SHANK2: variants seen among roughly 807,000 people sequenced by gnomAD.
SHANK2 encodes SH3 and multiple ankyrin repeat domains 2.
A neutral mutation model predicts 133.7 loss-of-function variants in SHANK2; 43 were observed. The ratio of observed to expected loss-of-function variants is 0.32; its 90% CI spans 0.25 to 0.41. The LOEUF (loss-of-function observed/expected upper bound fraction) is 0.41. Ranked by LOEUF, SHANK2 falls within the 10% of genes least tolerant of loss-of-function variation. The probability of loss-of-function intolerance (pLI) is 1.00; values close to 1 mark genes in which losing one functional copy is unlikely to be tolerated. For missense variants in SHANK2, 1,994 were observed against 2,235.8 expected (o/e 0.89, Z 2.18); for synonymous variants, 1,017 against 952.8 (o/e 1.07, Z -1.24).
chr11:71,177,645 A>G (rs1438358765), intron 2 of SHANK2, among the ~76,000 whole-genome samples: 2 of 152,264 alleles, frequency 1.3e-5, no homozygotes, highest in Non-Finnish European at 2.9e-5. Flanking sequence ...AAATAGTAAG[A>G]TGACAGATTT....
intron 17 of SHANK2, among the ~76,000 whole-genome samples, chr11:70,602,354 C>T (rs967592399): frequency 5.9e-5 from 9 of 152,214 alleles, no homozygotes; most frequent in African/African-American, 1.7e-4. Flanking sequence ...AGAGAGGTCT[C>T]GGCCTCCACG....
At chr11:70,647,372 A>G (rs2061278253) in intron 17 of SHANK2, 1 of 152,210 alleles carries the variant, frequency 6.6e-6, no homozygotes, top group Non-Finnish European at 1.5e-5. Context: ...CCAGTTGGGC[A>G]AGACCCCGCC....
At position 70,624,076 on chromosome 11, in the gene SHANK2, G is replaced by A. The variant is rs576326248; in HGVS notation, c.2061+35752C>T. Among the ~76,000 whole-genome samples the A allele has an allele frequency of 2.6e-5, 4 of 152,268 alleles. No homozygotes were observed. In the East Asian group the frequency reaches 5.8e-4, roughly 22 times the overall value. The stretch of plus-strand genomic sequence containing the variant: ...GCAGGGAGGGGCAGCCTTGGGTGTG[G>A]ACTTCTGGGAGCAGAGGCCCTGGTT... On this transcript the variant is annotated intron_variant, in intron 17 of 25. Transcript: ENST00000601538.
intron 2 of SHANK2, among the ~76,000 whole-genome samples, chr11:71,162,324 GC>G (rs1555110036): frequency 6.6e-6 from 1 of 152,144 alleles, no homozygotes; most frequent in African/African-American, 2.4e-5. Flanking sequence ...CATGCATGTA[GC>G]TCTGGTCTCT....
intron 9 of SHANK2, among the ~76,000 whole-genome samples, chr11:71,068,895 C>T (rs1290334546): frequency 2.0e-5 from 3 of 152,036 alleles, no homozygotes; most frequent in Admixed American, 2.0e-4. Flanking sequence ...TCACCATCAC[C>T]ACCACCATCA....
intron 3 of SHANK2, among the ~76,000 whole-genome samples, chr11:71,139,308 T>C (rs1209319465): frequency 6.7e-6 from 1 of 148,372 alleles, no homozygotes; most frequent in Non-Finnish European, 1.5e-5. Flanking sequence ...CCGTTCTATT[T>C]TCTTCTCTGC....
At chr11:70,797,221 C>G (rs1251888136) in intron 14 of SHANK2, among the ~76,000 whole-genome samples, 1 of 152,214 alleles carries the variant, frequency 6.6e-6, no homozygotes, top group Non-Finnish European at 1.5e-5. Flanking sequence ...GAGAAAGACC[C>G]CATTCTTGGG....
chr11:70,569,340 A>C lies in SHANK2; in HGVS notation c.2062-66409T>G, dbSNP rs1327874503. Among the ~76,000 whole-genome samples the C allele has an allele frequency of 2.0e-5, 3 of 152,134 alleles. No individual in the cohort carries two copies. In the East Asian group the frequency reaches 5.8e-4, roughly 29 times the overall value. ...TGGGGTGATCCTGCTCATGCGCCTCATGGACGCATCTTGCCCCGGTTTCCA... is the reference window on the plus strand; with the variant it reads ...TGGGGTGATCCTGCTCATGCGCCTCCTGGACGCATCTTGCCCCGGTTTCCA... On this transcript the variant is annotated intron_variant, in intron 17 of 25. Coordinates refer to ENST00000601538, the MANE Select transcript of SHANK2 (RefSeq NM_012309.5). The surrounding 1 kb of genome is among the most constrained non-coding windows in gnomAD (Gnocchi z 5.1).
intron 1 of SHANK2, among the ~76,000 whole-genome samples, chr11:71,239,922 G>A (rs782511022): frequency 1.4e-4 from 22 of 152,292 alleles, no homozygotes; most frequent in African/African-American, 3.6e-4. Flanking sequence ...CTCGCAGGGC[G>A]TCTGCCAGGT....
intron 17 of SHANK2, among the ~76,000 whole-genome samples, chr11:70,645,148 T>C (rs1199941066): frequency 6.6e-6 from 1 of 152,092 alleles, no homozygotes; most frequent in African/African-American, 2.4e-5. Flanking sequence ...GAGGCGGAGA[T>C]TGCAGTGGGC....
At chr11:70,829,523 A>G (rs1590734875) in intron 11 of SHANK2, among the ~76,000 whole-genome samples, 1 of 151,866 alleles carries the variant, frequency 6.6e-6, no homozygotes, top group African/African-American at 2.4e-5. Context: ...CCACCCCTGC[A>G]CCCCATGTCC....
chr11:70,915,681 G>A (rs2135741414), intron 10 of SHANK2, among the ~76,000 whole-genome samples: 1 of 152,298 alleles, frequency 6.6e-6, no homozygotes, highest in Admixed American at 6.5e-5. Context: ...GAATTCACAG[G>A]AGCCCACCCC....
At chr11:70,651,458 C>G (rs1398184701) in intron 17 of SHANK2, among the ~76,000 whole-genome samples, 2 of 152,192 alleles carry the variant, frequency 1.3e-5, no homozygotes, top group Admixed American at 1.3e-4. Flanking sequence ...ATCCAACCTC[C>G]CCGCCATCCA....
intron 12 of SHANK2, among the ~76,000 whole-genome samples, chr11:70,809,651 T>TC (rs1177058304): frequency 6.6e-6 from 1 of 152,202 alleles, no homozygotes; most frequent in Non-Finnish European, 1.5e-5. Context: ...CTCCATGTAC[T>TC]CCGATTACTC....
intron 17 of SHANK2, among the ~76,000 whole-genome samples, chr11:70,616,678 T>TG (rs35206332): frequency 6.6e-6 from 1 of 151,744 alleles, no homozygotes; most frequent in African/African-American, 2.4e-5. Flanking sequence ...GGGTGGGGTG[T>TG]GGGGGGATCT....
At chr11:70,669,789 T>C (rs1275856746) in intron 15 of SHANK2, 1 of 152,270 alleles carries the variant, frequency 6.6e-6, no homozygotes, top group Non-Finnish European at 1.5e-5. Context: ...ATCACTTCAT[T>C]GCGTGTAGAA....
intron 17 of SHANK2, among the ~76,000 whole-genome samples, chr11:70,550,543 C>G (rs1554977680): frequency 6.6e-6 from 1 of 152,228 alleles, no homozygotes; most frequent in Non-Finnish European, 1.5e-5. Flanking sequence ...AAAATCTCAT[C>G]TGCTGGATCT....
rs1003526055 is a variant in SHANK2, at chr11:71,252,178, C to T, written c.-113+247G>A. Among the ~76,000 whole-genome samples, 1 of 152,198 alleles carries T rather than the reference C, an allele frequency of 6.6e-6. No individual in the cohort carries two copies. The highest frequency in any genetic ancestry group is 6.5e-5 in the Admixed American group (1 of 15,286). ...CCAAAGCTTTCGACACCGGCCCCTGCCCGGGAAGAAAGGCATGCAGGGGGA... is the reference window on the plus strand; with the variant it reads ...CCAAAGCTTTCGACACCGGCCCCTGTCCGGGAAGAAAGGCATGCAGGGGGA... On this transcript the variant is annotated intron_variant, in intron 1 of 25. Coordinates refer to ENST00000601538, the MANE Select transcript of SHANK2 (RefSeq NM_012309.5). The surrounding 1 kb of genome is among the most constrained non-coding windows in gnomAD (Gnocchi z 6.3).
chr11:70,539,599 CCACAGG>C (rs1281828852), intron 17 of SHANK2, among the ~76,000 whole-genome samples: 1 of 152,200 alleles, frequency 6.6e-6, no homozygotes, highest in Non-Finnish European at 1.5e-5. Flanking sequence ...ACAGACAGCA[CCACAGG>C]CTGGCGGCAA....
Sources: gnomAD v4.1 joint callset for allele counts (sites outside exome capture counted in the v4.1 genomes callset) on GRCh38, gnomAD v4.1.1 for gene constraint, Gnocchi (gnomAD v3.1) non-coding constraint, MANE v1.5 for transcripts, NCBI Gene and HGNC (gene_info 2026-07-23, HGNC 2026-07-21) for gene names.